SORCS2: variants seen among roughly 807,000 people sequenced by gnomAD.
SORCS2 encodes sortilin related VPS10 domain containing receptor 2.
In SORCS2, 100 loss-of-function variants were observed where a neutral mutation model predicts 141.6. The ratio of observed to expected loss-of-function variants is 0.71; its 90% CI spans 0.60 to 0.83. The LOEUF (loss-of-function observed/expected upper bound fraction) is 0.83. Among genes scored for constraint, SORCS2 ranks in the 40% least tolerant of loss-of-function variants. The probability of loss-of-function intolerance (pLI) is 0.00; values close to 1 mark genes in which losing one functional copy is unlikely to be tolerated. For missense variants in SORCS2, 1,646 were observed against 1,560.2 expected, an observed-to-expected ratio of 1.05 and a Z score of -0.93; for synonymous variants, 789 against 676.9, an observed-to-expected ratio of 1.17 and a Z score of -2.57.
intron 3 of SORCS2, among the ~76,000 whole-genome samples, chr4:7,576,743 G>A (rs1044707765): frequency 1.4e-4 from 21 of 152,318 alleles, no homozygotes; most frequent in African/African-American, 4.6e-4. Flanking sequence ...ATGGTAGGGG[G>A]TTGAGAGTCT....
intron 21 of SORCS2, among the ~76,000 whole-genome samples, chr4:7,727,486 C>T (rs1727307366): frequency 6.6e-6 from 1 of 151,868 alleles, no homozygotes; most frequent in African/African-American, 2.4e-5. Context: ...CAGCAATAAA[C>T]CCTCATTTTG....
chr4:7,560,027 C>A (rs573302340), intron 3 of SORCS2, among the ~76,000 whole-genome samples: 1 of 152,262 alleles, frequency 6.6e-6, no homozygotes, highest in African/African-American at 2.4e-5. Context: ...GAATTAAAGG[C>A]GGGGAGGCTT....
chr4:7,307,084 G>A (rs4689693), intron 1 of SORCS2, among the ~76,000 whole-genome samples: 104,262 of 152,080 alleles, frequency 0.69, 39,821 homozygotes, highest in Non-Finnish European at 0.86. Context: ...GGGAGAAACC[G>A]AGGCTGGGGA....
chr4:7,456,032 C>A (rs1728893999), intron 2 of SORCS2, among the ~76,000 whole-genome samples: 1 of 152,170 alleles, frequency 6.6e-6, no homozygotes, highest in East Asian at 1.9e-4. Flanking sequence ...GGGTTGGTTT[C>A]TCCTGAGGCC....
intron 8 of SORCS2, among the ~76,000 whole-genome samples, chr4:7,670,837 A>G (rs111501741): frequency 0.01 from 1,546 of 152,098 alleles, 32 homozygotes; most frequent in African/African-American, 0.035. Flanking sequence ...TGCCATAAGG[A>G]CCTTGTCTTC....
chr4:7,393,156 G>C (rs1723974049), intron 1 of SORCS2, among the ~76,000 whole-genome samples: 1 of 152,160 alleles, frequency 6.6e-6, no homozygotes, highest in Non-Finnish European at 1.5e-5. Context: ...CTTGTGGACA[G>C]CAGTAGCTCT....
chr4:7,666,570 G>A (rs1722517853), intron 7 of SORCS2, among the ~76,000 whole-genome samples: 1 of 152,150 alleles, frequency 6.6e-6, no homozygotes, highest in African/African-American at 2.4e-5. Context: ...TGGTGGCTCA[G>A]GAAGCTGCAC....
At chr4:7,398,773 G>C (rs1373237000) in intron 2 of SORCS2, among the ~76,000 whole-genome samples, 1 of 152,172 alleles carries the variant, frequency 6.6e-6, no homozygotes, top group Non-Finnish European at 1.5e-5. Flanking sequence ...CCTGGAGTTG[G>C]TTCACTCTAA....
intron 2 of SORCS2, among the ~76,000 whole-genome samples, chr4:7,506,811 A>G (rs1028873571): frequency 2.6e-5 from 4 of 152,226 alleles, no homozygotes; most frequent in African/African-American, 4.8e-5. Context: ...ACAGATGTCA[A>G]GGGAATAAGT....
chr4:7,241,794 C>T (rs559767736), intron 1 of SORCS2, among the ~76,000 whole-genome samples: 29 of 152,324 alleles, frequency 1.9e-4, no homozygotes, highest in Admixed American at 2.0e-4. Context: ...TGCTGCAGAG[C>T]GACTGAGTGA....
At position 7,417,047 on chromosome 4, in the gene SORCS2, G is replaced by A. The variant is rs184499893; in HGVS notation, c.548+20692G>A. Among the ~76,000 whole-genome samples, 359 of 152,260 alleles carry A rather than the reference G, an allele frequency of 2.4e-3. 3 individuals carry two copies. Among genetic ancestry groups the A allele is most frequent in the African/African-American group, 7.7e-3 (320 of 41,534 alleles). On this transcript the variant is annotated intron_variant, in intron 2 of 26. Transcript: ENST00000507866. The stretch of plus-strand genomic sequence containing the variant: ...CATTAAAGTGACATTCTGCCCTGGG[G>A]ATATGATGCATTTTAATGAAGCCCC...
At chr4:7,215,503 TGA>T (rs1728289962) in intron 1 of SORCS2, among the ~76,000 whole-genome samples, 2 of 152,224 alleles carry the variant, frequency 1.3e-5, no homozygotes, top group African/African-American at 4.8e-5. Flanking sequence ...ACCCAAGGGC[TGA>T]GGAGTGCGAG....
chr4:7,724,639 G>A (rs1392084458), intron 19 of SORCS2, among the ~76,000 whole-genome samples: 2 of 147,480 alleles, frequency 1.4e-5, no homozygotes, highest in Admixed American at 6.7e-5. Context: ...GGTGGTGATG[G>A]TGGAGGTGAT....
At chr4:7,714,127 C>G in intron 15 of SORCS2, 113 bp from the exon 16 acceptor site, 2 of 1,426,462 alleles carry the variant, frequency 1.4e-6, no homozygotes, top group Non-Finnish European at 1.9e-6. Flanking sequence ...GTTTCCCCAT[C>G]TGTAACCTGA....
chr4:7,209,221 C>T (rs1727916771), intron 1 of SORCS2, among the ~76,000 whole-genome samples: 1 of 152,254 alleles, frequency 6.6e-6, no homozygotes, highest in Non-Finnish European at 1.5e-5. Context: ...CCTCAGCTGG[C>T]TCTGTCACCC....
chr4:7,372,110 G>A (rs556302642), intron 1 of SORCS2, among the ~76,000 whole-genome samples: 10 of 152,278 alleles, frequency 6.6e-5, no homozygotes, highest in African/African-American at 1.7e-4. Flanking sequence ...CTTTCATTGC[G>A]GCCCTTGCTG....
intron 2 of SORCS2, among the ~76,000 whole-genome samples, chr4:7,455,054 A>T (rs1577592540): frequency 1.2e-5 from 1 of 82,100 alleles, no homozygotes; most frequent in Non-Finnish European, 2.4e-5. Context: ...TGTTGGGGTC[A>T]GATGCTGTGT....
intron 19 of SORCS2, 56 bp downstream of exon 19, chr4:7,723,939 G>A: frequency 6.7e-7 from 1 of 1,492,200 alleles, no homozygotes. Context: ...GAGAGAACCT[G>A]GCTTTGGGGG....
intron 1 of SORCS2, among the ~76,000 whole-genome samples, chr4:7,203,450 C>T (rs1279001619): frequency 2.1e-5 from 3 of 145,518 alleles, no homozygotes; most frequent in South Asian, 2.3e-4. Context: ...TCTTTAGAGA[C>T]GGAGATTGCA....
Sources: allele counts gnomAD v4.1 joint callset (sites outside exome capture counted in the v4.1 genomes callset), GRCh38; gene constraint gnomAD v4.1.1; transcripts MANE v1.5; gene names NCBI Gene and HGNC (gene_info 2026-07-23, HGNC 2026-07-21).